UNC13C: variants seen among roughly 807,000 people sequenced by gnomAD.
The protein encoded by UNC13C is unc-13 homolog C, also known as protein unc-13 homolog C.
UNC13C carries 174 observed loss-of-function variants against 245.4 expected under a neutral mutation model. The ratio of observed to expected loss-of-function variants is 0.71; its 90% CI spans 0.63 to 0.80. UNC13C has a LOEUF of 0.80. Among genes scored for constraint, UNC13C ranks in the 30% least tolerant of loss-of-function variants. The probability of loss-of-function intolerance (pLI) is 0.00; values close to 1 mark genes in which losing one functional copy is unlikely to be tolerated. For synonymous variants in UNC13C, 992 were observed against 895.1 expected (o/e 1.11, Z -1.93); for missense variants, 2,829 against 2,602.9 (o/e 1.09, Z -1.89).
intron 30 of UNC13C, among the ~76,000 whole-genome samples, chr15:54,602,078 AAC>A (rs34860215): frequency 0.44 from 66,384 of 151,778 alleles, 16,008 homozygotes; most frequent in East Asian, 0.67. Context: ...GCATAGACTG[AAC>A]AGGCAAATAT....
intron 16 of UNC13C, among the ~76,000 whole-genome samples, chr15:54,337,576 T>A (rs2038617888): frequency 1.3e-5 from 2 of 152,162 alleles, no homozygotes; most frequent in African/African-American, 4.8e-5. Context: ...TAGCTCTTTT[T>A]TTCTAAATTT....
chr15:54,632,809 A>T (rs928729300), downstream of UNC13C: 1 of 152,222 alleles, frequency 6.6e-6, no homozygotes, highest in African/African-American at 2.4e-5. Context: ...AGGTAGTAAG[A>T]GTTCTCCATG....
At chr15:54,467,247 G>T (rs1892225195) in intron 19 of UNC13C, among the ~76,000 whole-genome samples, 1 of 151,726 alleles carries the variant, frequency 6.6e-6, no homozygotes, top group South Asian at 2.1e-4. Context: ...AGTAAATGAT[G>T]GAGTTTTCCA....
intron 19 of UNC13C, among the ~76,000 whole-genome samples, chr15:54,472,187 G>T (rs544251566): frequency 1.6e-4 from 25 of 151,612 alleles, no homozygotes; most frequent in African/African-American, 5.8e-4. Flanking sequence ...TTTAAAACTG[G>T]CTATTTTAAG....
chr15:54,610,435 G>A (rs1015558331), intron 30 of UNC13C, among the ~76,000 whole-genome samples: 14 of 152,050 alleles, frequency 9.2e-5, no homozygotes, highest in African/African-American at 2.7e-4. Flanking sequence ...AGGGTTTCAC[G>A]ATGTTGTCCA....
At chr15:54,083,233 C>T (rs1343013979) in intron 2 of UNC13C, among the ~76,000 whole-genome samples, 1 of 152,136 alleles carries the variant, frequency 6.6e-6, no homozygotes, top group Non-Finnish European at 1.5e-5. Flanking sequence ...GGGCTCAAAA[C>T]CTCCAGTTCA....
At chr15:54,003,506 AC>A (rs1231487351) in intron 1 of UNC13C, among the ~76,000 whole-genome samples, 1 of 152,132 alleles carries the variant, frequency 6.6e-6, no homozygotes, top group Non-Finnish European at 1.5e-5. Flanking sequence ...TTGAAGGTGG[AC>A]TGTTCCCATT....
intron 27 of UNC13C, 120 bp downstream of exon 27, chr15:54,546,965 A>G: frequency 1.1e-6 from 1 of 926,018 alleles, no homozygotes; most frequent in Non-Finnish European, 1.6e-6. Context: ...TTTGGTATCC[A>G]GTTTCTTAAC....
At chr15:54,185,036 T>C (rs1482101881) in intron 4 of UNC13C, among the ~76,000 whole-genome samples, 1 of 152,242 alleles carries the variant, frequency 6.6e-6, no homozygotes, top group Non-Finnish European at 1.5e-5. Flanking sequence ...GAGCATTTTT[T>C]CATGTGTTTT....
At chr15:54,381,700 GT>G (rs1400125146) in intron 17 of UNC13C, among the ~76,000 whole-genome samples, 2 of 151,538 alleles carry the variant, frequency 1.3e-5, no homozygotes, top group Middle Eastern at 3.2e-3. Flanking sequence ...CATATTTTTT[GT>G]AGCTATTATA....
At chr15:54,571,203 A>G (rs1291556941) in intron 30 of UNC13C, among the ~76,000 whole-genome samples, 1 of 152,218 alleles carries the variant, frequency 6.6e-6, no homozygotes, top group Non-Finnish European at 1.5e-5. Context: ...TTTATAAAGG[A>G]AAGAGGTTTA....
intron 4 of UNC13C, among the ~76,000 whole-genome samples, chr15:54,183,984 G>A (rs1457566524): frequency 1.3e-5 from 2 of 151,558 alleles, no homozygotes; most frequent in Admixed American, 1.3e-4. Context: ...AAAAAAAATT[G>A]CAAATAGATT....
intron 23 of UNC13C, among the ~76,000 whole-genome samples, chr15:54,508,936 AC>A (rs1894606327): frequency 1.3e-5 from 2 of 152,170 alleles, no homozygotes; most frequent in Non-Finnish European, 2.9e-5. Context: ...GCGGTGGCTC[AC>A]ACCCATAATT....
intron 8 of UNC13C, among the ~76,000 whole-genome samples, chr15:54,257,807 T>C (rs756988677): frequency 3.9e-5 from 6 of 151,924 alleles, no homozygotes; most frequent in Non-Finnish European, 7.4e-5. Flanking sequence ...ACTGGGGGAG[T>C]TGCAGGTCTG....
chr15:54,616,666 A>G (rs933312889), intron 30 of UNC13C, among the ~76,000 whole-genome samples: 1 of 152,096 alleles, frequency 6.6e-6, no homozygotes, highest in Non-Finnish European at 1.5e-5. Flanking sequence ...GCTATGTGTT[A>G]CTATGAAAGA....
intron 20 of UNC13C, among the ~76,000 whole-genome samples, chr15:54,494,941 C>T (rs905930579): frequency 2.0e-5 from 3 of 151,926 alleles, no homozygotes; most frequent in Non-Finnish European, 2.9e-5. Flanking sequence ...TACGCCCTAC[C>T]TGGATATTCA....
chr15:54,458,959 C>CT (rs759957885), intron 19 of UNC13C, among the ~76,000 whole-genome samples: 1 of 151,578 alleles, frequency 6.6e-6, no homozygotes, highest in African/African-American at 2.4e-5. Flanking sequence ...GACTTAGTAT[C>CT]TTTTTTTCAT....
chr15:54,338,447 T>G lies in UNC13C; in HGVS notation c.4671T>G (p.Ile1557Met). 6.2e-7 allele frequency: 1 copy of G among 1,613,776 alleles called. No homozygotes were observed. The highest frequency in any genetic ancestry group is 8.5e-7 in the Non-Finnish European group (1 of 1,179,732). The change falls in exon 17 of 33, where the codon ATT becomes ATG. Residue 1557 changes from isoleucine to methionine, a missense_variant. Ile to Met is a conservative substitution (Grantham distance 10, BLOSUM62 1). Coordinates refer to ENST00000260323, the MANE Select transcript of UNC13C (RefSeq NM_001080534.3). ...GCCTGGATTCTACATACAAGTATAT[T>G]TTTGACAACTGCCATGAACTCTACT... Reference protein sequence around the residue: ...RACLDSTYKYIFDNCHELYSQ... With the variant: ...RACLDSTYKYMFDNCHELYSQ...
intron 2 of UNC13C, among the ~76,000 whole-genome samples, chr15:54,064,462 C>T (rs185015770): frequency 6.6e-6 from 1 of 152,258 alleles, no homozygotes; most frequent in East Asian, 1.9e-4. Context: ...TTAGGATCAG[C>T]AGAGAATAAA....
Sources: gnomAD v4.1 joint callset for allele counts (sites outside exome capture counted in the v4.1 genomes callset) on GRCh38, gnomAD v4.1.1 for gene constraint, MANE v1.5 for transcripts, NCBI Gene and HGNC (gene_info 2026-07-23, HGNC 2026-07-21) for gene names.